AZI2: variants seen among roughly 807,000 people sequenced by gnomAD.
The protein encoded by AZI2 is 5-azacytidine induced 2.
In AZI2, 22 loss-of-function variants were observed where a neutral mutation model predicts 45.8. The ratio of observed to expected loss-of-function variants is 0.48; its 90% confidence interval spans 0.34 to 0.69. AZI2 has a LOEUF of 0.69. Among genes scored for constraint, AZI2 ranks in the 30% least tolerant of loss-of-function variants. AZI2 has a pLI of 0.01. For missense variants in AZI2, 417 were observed against 441.5 expected, an observed-to-expected ratio of 0.94 and a Z score of 0.50; for synonymous variants, 137 against 156.7, an observed-to-expected ratio of 0.87 and a Z score of 0.94.
intron 4 of AZI2, chr3:28,337,096 C>A: frequency 2.0e-6 from 1 of 500,126 alleles, no homozygotes; most frequent in Middle Eastern, 5.5e-4. Context: ...TTTAGAATTT[C>A]TAAAGACAAC....
At chr3:28,326,997 T>C (rs1488597230) in intron 6 of AZI2, 47 bp from the exon 7 acceptor site, 2 of 1,291,870 alleles carry the variant, frequency 1.5e-6, no homozygotes, top group African/African-American at 1.5e-5. Flanking sequence ...CATTCTTTTT[T>C]AGACAAAAGG....
In AZI2 at chr3:28,346,584, A is replaced by G. The variant is rs564546766; in HGVS notation, c.-6+2017T>C. On this transcript the variant is annotated intron_variant, in intron 1 of 7. Transcript: ENST00000479665. ...AACTGAAGTTTGAATCAAGGCCTAT[A>G]TGGTAGGCTCTTTATTCCATATTGC... is the stretch of plus-strand genomic sequence containing the variant. 8.6e-3 allele frequency among the ~76,000 whole-genome samples: 1,303 copies of G among 151,830 alleles called. 26 individuals carry two copies. The highest frequency in any genetic ancestry group is 0.03 in the African/African-American group (1,241 of 41,464).
rs370282862 is a variant in AZI2, at chr3:28,324,364, G to A, written c.857C>T (p.Pro286Leu). The change falls in exon 8 of 8, where the codon CCC becomes CTC. Residue 286 changes from proline to leucine, a missense_variant. Pro to Leu is a moderately conservative substitution (Grantham distance 98). Transcript: ENST00000479665. ...AGCTTTGCCATTTGGTAAGAGAGGGGGATGTCTTGTGTATGTTGCAGTAAA... is the reference window on the plus strand; with the variant it reads ...AGCTTTGCCATTTGGTAAGAGAGGGAGATGTCTTGTGTATGTTGCAGTAAA... The part of the protein sequence containing the change: ...MNFTATYTRH[P>L]PLLPNGKALC... 3.1e-6 allele frequency: 5 copies of A among 1,590,986 alleles called. No individual in the cohort carries two copies. The South Asian group carries it at 3.4e-5, about 11-fold the overall frequency.
chr3:28,327,614 C>T (rs1703432908), intron 6 of AZI2, among the ~76,000 whole-genome samples: 1 of 150,840 alleles, frequency 6.6e-6, no homozygotes, highest in Non-Finnish European at 1.5e-5. Context: ...AAAAATGCCT[C>T]TCCTGTTTTT....
At position 28,334,667 on chromosome 3, in the gene AZI2, T is replaced by C. The variant is rs141366715; in HGVS notation, c.588+2070A>G. 2.2e-3 allele frequency among the ~76,000 whole-genome samples: 340 copies of C among 152,126 alleles called. 5 individuals carry two copies. The highest frequency in any genetic ancestry group is 0.019 in the Admixed American group (283 of 15,216). ...GTGATTTCTTCTACCTCTAAAAGTCTGTTTCTGTGATTTGGTTACTTATGA... is the reference window on the plus strand; with the variant it reads ...GTGATTTCTTCTACCTCTAAAAGTCCGTTTCTGTGATTTGGTTACTTATGA... On this transcript the variant is annotated intron_variant, in intron 5 of 7. Coordinates refer to ENST00000479665, the MANE Select transcript of AZI2 (RefSeq NM_022461.5).
At position 28,324,018 on chromosome 3, in the gene AZI2, G is replaced by A; in HGVS notation, c.*24C>T. 1 of 1,575,360 alleles carries A rather than the reference G, an allele frequency of 6.3e-7. No homozygotes were observed. The highest frequency in any genetic ancestry group is 8.7e-7 in the Non-Finnish European group (1 of 1,154,044). On this transcript the variant is annotated 3_prime_UTR_variant, in exon 8 of 8. Coordinates refer to ENST00000479665, the MANE Select transcript of AZI2 (RefSeq NM_022461.5). Reference sequence around the variant, plus strand: ...ACTGAAAGAGATAAGTGTCCTCATGGTGAAATCGTGAATCTCTTCCAAATT... The same window carrying A: ...ACTGAAAGAGATAAGTGTCCTCATGATGAAATCGTGAATCTCTTCCAAATT...
intron 1 of AZI2, among the ~76,000 whole-genome samples, chr3:28,343,792 T>TA (rs1704121808): frequency 6.6e-6 from 1 of 151,970 alleles, no homozygotes; most frequent in African/African-American, 2.4e-5. Flanking sequence ...TACAAAATCT[T>TA]ACACTCCTAC....
chr3:28,324,463 A>G lies in AZI2; in HGVS notation c.767-9T>C. 1 of 1,454,908 alleles carries G rather than the reference A, an allele frequency of 6.9e-7. No homozygotes were observed. Among genetic ancestry groups the G allele is most frequent in the Non-Finnish European group, 9.1e-7 (1 of 1,097,298 alleles). The allele number at this position is 1,454,908 out of a possible 1,614,324, so 90.1% of individuals were successfully genotyped here. A position where few individuals can be genotyped will look rare whatever the true frequency, so the allele number is the denominator to read the frequency against. On this transcript the variant is annotated splice_polypyrimidine_tract_variant and intron_variant, in intron 7 of 7. Transcript: ENST00000479665. ...TCCTACAGGGGCACAGGCTAAAAAGAAAACACAGACTAAATGTCAGTTTTC... is the reference window on the plus strand; with the variant it reads ...TCCTACAGGGGCACAGGCTAAAAAGGAAACACAGACTAAATGTCAGTTTTC...
chr3:28,324,634 G>T, intron 7 of AZI2, 180 bp from the exon 8 acceptor site: 1 of 475,884 alleles, frequency 2.1e-6, no homozygotes, highest in Non-Finnish European at 3.4e-6. Flanking sequence ...TTTAATCCTG[G>T]ATCAGCAATT....
At chr3:28,347,527 G>C (rs897358078) in intron 1 of AZI2, among the ~76,000 whole-genome samples, 7 of 152,150 alleles carry the variant, frequency 4.6e-5, no homozygotes, top group Non-Finnish European at 1.0e-4. Flanking sequence ...GTGCCTTAGA[G>C]TATGTATTAC....
chr3:28,337,992 T>C lies in AZI2; in HGVS notation c.384A>G (p.Leu128=), dbSNP rs1285008333. 4 of 1,600,670 alleles carry C rather than the reference T, an allele frequency of 2.5e-6. No homozygotes were observed. The highest frequency in any genetic ancestry group is 1.7e-4 in the Middle Eastern group (1 of 6,040). ...SESLKVLNEQ[L]QSKEVELLQL... ...GGAGGAGTTCTACTTCTTTAGATTG[T>C]AGCTGCTCATTCAATACTTTCAAAG... The change falls in exon 4 of 8, where the codon CTA becomes CTG. Residue 128 remains leucine (L), a synonymous_variant. Transcript: ENST00000479665.
chr3:28,337,558 G>A (rs771186759), intron 4 of AZI2, among the ~76,000 whole-genome samples: 2 of 152,100 alleles, frequency 1.3e-5, no homozygotes, highest in Non-Finnish European at 2.9e-5. Flanking sequence ...AAAAGAAATT[G>A]TAACAACTTC....
In AZI2 at chr3:28,323,977, A is replaced by C. The variant is rs1189161020; in HGVS notation, c.*65T>G. ...AAATCTCCTTTCAGTTTGTTAAATA[A>C]TTTCTTGGGAGGACCACTGAAAGAG... On this transcript the variant is annotated 3_prime_UTR_variant, in exon 8 of 8. Coordinates refer to ENST00000479665, the MANE Select transcript of AZI2 (RefSeq NM_022461.5). 6.7e-7 allele frequency: 1 copy of C among 1,484,562 alleles called. No homozygotes were observed. The highest frequency in any genetic ancestry group is 9.1e-7 in the Non-Finnish European group (1 of 1,101,640). The allele number at this position is 1,484,562 out of a possible 1,614,324, so 92.0% of individuals were successfully genotyped here.
Position 28,332,377 on chromosome 3 carries a change from G to A in AZI2, c.639C>T (p.Ser213=). ...CTGAAGAGTGGTCATACCTTGAAAT[G>A]CTTAGTTTTTGGAGATCTCTGCTCT... ...NLKSRDLQKL[S]ISSDNMQHAY... The change falls in exon 6 of 8, where the codon AGC becomes AGT. Residue 213 remains serine (S), a synonymous_variant. Coordinates refer to ENST00000479665, the MANE Select transcript of AZI2 (RefSeq NM_022461.5). 1 of 1,606,708 alleles carries A rather than the reference G, an allele frequency of 6.2e-7. No homozygotes were observed. Among genetic ancestry groups the A allele is most frequent in the Non-Finnish European group, 8.5e-7 (1 of 1,174,466 alleles).
At chr3:28,335,367 T>A (rs966816611) in intron 5 of AZI2, among the ~76,000 whole-genome samples, 1 of 151,918 alleles carries the variant, frequency 6.6e-6, no homozygotes, top group Non-Finnish European at 1.5e-5. Context: ...TGTAAACCCA[T>A]CTTTTGAAAA....
chr3:28,347,970 C>T, intron 1 of AZI2, among the ~76,000 whole-genome samples: 1 of 152,210 alleles, frequency 6.6e-6, no homozygotes, highest in East Asian at 1.9e-4. Flanking sequence ...TTTCCATCAC[C>T]TCTTGGAGCA....
intron 1 of AZI2, among the ~76,000 whole-genome samples, chr3:28,345,103 T>C (rs1704173195): frequency 6.6e-6 from 1 of 152,120 alleles, no homozygotes; most frequent in Non-Finnish European, 1.5e-5. Flanking sequence ...TGTTAAAAAA[T>C]ACTGATTCCT....
rs772925245 is a variant in AZI2 at position 28,324,393 on chromosome 3, C to A, written c.828G>T (p.Met276Ile). ...LGRDSTKLHL[M>I]NFTATYTRHP... ...GTCTTGTGTATGTTGCAGTAAAATT[C>A]ATCAAGTGCAGTTTTGTGCTGTCTC... Residue 276 changes from methionine to isoleucine, a missense_variant, in exon 8 of 8, where the codon ATG (methionine) becomes ATT (isoleucine). Met to Ile is a conservative substitution (Grantham distance 10). Coordinates refer to ENST00000479665, the MANE Select transcript of AZI2 (RefSeq NM_022461.5). 4 of 1,556,052 alleles carry A rather than the reference C, an allele frequency of 2.6e-6. No individual in the cohort carries two copies. Among genetic ancestry groups the A allele is most frequent in the South Asian group, 2.5e-5 (2 of 81,556 alleles).
At chr3:28,338,354 A>C (rs1703880774) in intron 3 of AZI2, 139 bp downstream of exon 3, 1 of 934,440 alleles carries the variant, frequency 1.1e-6, no homozygotes, top group Admixed American at 3.3e-5. Flanking sequence ...ATATTACTAA[A>C]ATTTCCATTT....
Sources: gnomAD v4.1 joint callset for allele counts (sites outside exome capture counted in the v4.1 genomes callset) on GRCh38, gnomAD v4.1.1 for gene constraint, MANE v1.5 for transcripts, NCBI Gene and HGNC (gene_info 2026-07-23, HGNC 2026-07-21) for gene names.